Variants in SUMF2 observed in about 807,000 individuals in gnomAD.
SUMF2 encodes the protein sulfatase modifying factor 2, also known as inactive C-alpha-formylglycine-generating enzyme 2.
In SUMF2, 45 loss-of-function variants were observed where a neutral mutation model predicts 44.8. The observed-to-expected ratio is 1.00, with a 90% CI of 0.79 to 1.29. The LOEUF (loss-of-function observed/expected upper bound fraction) is 1.29, where lower values mean the gene tolerates loss of function less well. SUMF2 is among the 50% of genes most tolerant of loss of function. The pLI, the probability that SUMF2 is intolerant of heterozygous loss-of-function variation, is 0.00. For missense variants in SUMF2, 418 were observed against 389.9 expected, an observed-to-expected ratio of 1.07 and a Z score of -0.61; for synonymous variants, 148 against 150.4, an observed-to-expected ratio of 0.98 and a Z score of 0.12.
the SUMF2 span, among the ~76,000 whole-genome samples, chr7:56,085,927 T>C: frequency 1.4e-5 from 2 of 147,788 alleles, no homozygotes; most frequent in East Asian, 4.0e-4. Context: ...TGAGCCGAGA[T>C]CGCACCACTA....
Position 56,074,570 on chromosome 7 carries a change from T to C in SUMF2, c.385-16T>C. ...TGCGCTCCCGGAAGCCTGTCTCACTTAATCCTGGCTGTCAGCCTGCAGGTC... is the reference window on the plus strand; with the variant it reads ...TGCGCTCCCGGAAGCCTGTCTCACTCAATCCTGGCTGTCAGCCTGCAGGTC... On this transcript the variant is annotated splice_polypyrimidine_tract_variant and intron_variant, in intron 4 of 8. Transcript: ENST00000434526. 2 of 1,613,526 alleles carry C rather than the reference T, an allele frequency of 1.2e-6. No homozygotes were observed. Among genetic ancestry groups the C allele is most frequent in the South Asian group, 2.2e-5 (2 of 91,066 alleles).
rs1181746908 is a variant in SUMF2 at position 56,064,317 on chromosome 7, C to T, written c.6C>T (p.Ala2=). The T allele has an allele frequency of 1.9e-6, 3 of 1,594,678 alleles. No individual in the cohort carries two copies. Among genetic ancestry groups the T allele is most frequent in the African/African-American group, 2.7e-5 (2 of 74,720 alleles). Residue 2 remains alanine, a synonymous_variant, in exon 1 of 9, where the codon GCC becomes GCT. Transcript: ENST00000434526. ...GGCGCAGCGCGGCAGTCCTGATGGC[C>T]CGGCATGGGTTACCGCTGCTGCCCC... M[A]RHGLPLLPLL...
chr7:56,074,519 C>T (rs867254048), intron 4 of SUMF2, 67 bp from the exon 5 acceptor site: 3 of 1,588,072 alleles, frequency 1.9e-6, no homozygotes, highest in South Asian at 1.1e-5. Context: ...CGCGGGCGCC[C>T]TAAACCTAGC....
downstream of SUMF2, chr7:56,083,858 G>T: frequency 1.5e-6 from 1 of 668,540 alleles, no homozygotes. Context: ...CTGGGGAGAG[G>T]AGCCGGGGAA....
intron 3 of SUMF2, chr7:56,073,944 G>C: frequency 1.7e-6 from 1 of 582,936 alleles, no homozygotes; most frequent in Non-Finnish European, 3.0e-6. Context: ...GAGTCCAGGA[G>C]GTTGAGACTG....
intron 2 of SUMF2, among the ~76,000 whole-genome samples, chr7:56,070,713 G>A (rs2117424369): frequency 6.6e-6 from 1 of 152,002 alleles, no homozygotes; most frequent in Admixed American, 6.6e-5. Context: ...CTGCTCCAGT[G>A]GCTTTATTCA....
chr7:56,071,765 A>G (rs1404177771), intron 2 of SUMF2, among the ~76,000 whole-genome samples: 1 of 150,600 alleles, frequency 6.6e-6, no homozygotes, highest in East Asian at 2.0e-4. Flanking sequence ...AGCCTGGGCC[A>G]TAGAGTGAGA....
chr7:56,066,666 G>T (rs964543556), intron 1 of SUMF2, among the ~76,000 whole-genome samples: 14 of 152,314 alleles, frequency 9.2e-5, no homozygotes, highest in African/African-American at 2.6e-4. Flanking sequence ...TGTCGCCCAG[G>T]CCGGAGTGCA....
At chr7:56,069,401 CTG>C (rs1356975176) in intron 2 of SUMF2, among the ~76,000 whole-genome samples, 6 of 151,728 alleles carry the variant, frequency 4.0e-5, no homozygotes, top group African/African-American at 1.5e-4. Flanking sequence ...GCTCAGGAGT[CTG>C]AGACCAGGCT....
At chr7:56,074,138 G>C (rs764177852) in intron 3 of SUMF2, 36 bp from the exon 4 acceptor site, 1 of 1,610,688 alleles carries the variant, frequency 6.2e-7, no homozygotes, top group African/African-American at 1.3e-5. Context: ...TTGCTGGGCC[G>C]GAGCATCTTG....
intron 1 of SUMF2, among the ~76,000 whole-genome samples, chr7:56,065,115 C>T (rs1236038220): frequency 1.3e-5 from 2 of 150,258 alleles, no homozygotes. Context: ...TGGCGTGAAC[C>T]CCGGGGGGTG....
At chr7:56,085,716 G>A in the SUMF2 span, among the ~76,000 whole-genome samples, 4 of 151,926 alleles carry the variant, frequency 2.6e-5, no homozygotes, top group African/African-American at 9.7e-5. Context: ...TGTAATCCCA[G>A]CACTTTGGGA....
chr7:56,075,798 G>T (rs566196330), intron 5 of SUMF2, among the ~76,000 whole-genome samples: 2 of 151,860 alleles, frequency 1.3e-5, no homozygotes, highest in Non-Finnish European at 2.9e-5. Context: ...AAGCAACTCC[G>T]CACATTAAAC....
chr7:56,076,801 C>A, intron 5 of SUMF2, 33 bp from the exon 6 acceptor site: 1 of 1,564,436 alleles, frequency 6.4e-7, no homozygotes, highest in Non-Finnish European at 8.7e-7. Context: ...CTTCACCTCC[C>A]CCTCCTCTGC....
chr7:56,078,581 G>A, intron 8 of SUMF2, 73 bp downstream of exon 8: 2 of 1,449,176 alleles, frequency 1.4e-6, no homozygotes, highest in Non-Finnish European at 1.8e-6. Context: ...GTCCCAGAGT[G>A]TCCCTACCTT....
chr7:56,079,855 A>T lies in SUMF2; in HGVS notation c.*243A>T. ...GCTGGGGGCCAGGTGTTTCTGTTAG[A>T]GGCCAAGTATTATTGACACAGGATT... is the stretch of plus-strand genomic sequence containing the variant. On this transcript the variant is annotated 3_prime_UTR_variant, in exon 9 of 9. Coordinates refer to ENST00000434526, the MANE Select transcript of SUMF2 (RefSeq NM_015411.4). 1 of 1,548,830 alleles carries T rather than the reference A, an allele frequency of 6.5e-7. No individual in the cohort carries two copies. The highest frequency in any genetic ancestry group is 8.7e-7 in the Non-Finnish European group (1 of 1,145,254).
Position 56,067,622 on chromosome 7 carries a change from C to T in SUMF2, c.68-860C>T, listed in dbSNP as rs564823614. 1.4e-3 allele frequency among the ~76,000 whole-genome samples: 219 copies of T among 152,130 alleles called. 7 individuals are homozygous for T. In the South Asian group the frequency reaches 0.044, roughly 31 times the overall value. On this transcript the variant is annotated intron_variant, in intron 1 of 8. Coordinates refer to ENST00000434526, the MANE Select transcript of SUMF2 (RefSeq NM_015411.4). ...AGAAATTGAATCTCAGCTGGGCGTGCTGGCTCACACCTATAATCCCAGCAC... is the reference window on the plus strand; with the variant it reads ...AGAAATTGAATCTCAGCTGGGCGTGTTGGCTCACACCTATAATCCCAGCAC...
chr7:56,073,907 CAG>C, intron 3 of SUMF2: 1 of 538,416 alleles, frequency 1.9e-6, no homozygotes, highest in South Asian at 2.4e-5. Flanking sequence ...CCCAGCTACT[CAG>C]GAGGTTGAGG....
Position 56,078,413 on chromosome 7 carries a change from C to T in SUMF2, c.726C>T (p.Tyr242=). 6.2e-7 allele frequency: 1 copy of T among 1,612,118 alleles called. No homozygotes were observed. The highest frequency in any genetic ancestry group is 8.5e-7 in the Non-Finnish European group (1 of 1,178,906). ...TGTGGGAGTGGACAGCATCACCGTACCAGGCTGCTGAGCAGGACATGCGCG... is the reference window on the plus strand; with the variant it reads ...TGTGGGAGTGGACAGCATCACCGTATCAGGCTGCTGAGCAGGACATGCGCG... ...GNVWEWTASP[Y]QAAEQDMRVL... The change falls in exon 8 of 9, where the codon TAC becomes TAT. Residue 242 remains tyrosine, a synonymous_variant. Transcript: ENST00000434526.
Sources: gnomAD v4.1 joint callset for allele counts (sites outside exome capture counted in the v4.1 genomes callset) on GRCh38, gnomAD v4.1.1 for gene constraint, MANE v1.5 for transcripts, NCBI Gene and HGNC (gene_info 2026-07-23, HGNC 2026-07-21) for gene names.